CCDC7: variants seen among roughly 807,000 people sequenced by gnomAD.
CCDC7 encodes coiled-coil domain-containing protein 7.
Under a neutral mutation model 196.9 loss-of-function variants are expected in CCDC7, and 183 were observed. That is an observed-to-expected ratio of 0.93 (90% CI 0.82 to 1.05). The LOEUF (loss-of-function observed/expected upper bound fraction) is 1.05, where lower values mean the gene tolerates loss of function less well. Ranked by LOEUF, CCDC7 falls within the 50% of genes least tolerant of loss-of-function variation. The pLI is 0.00. For missense variants in CCDC7, 1,540 were observed against 1,482.2 expected (o/e 1.04, Z -0.64); for synonymous variants, 525 against 484.6 (o/e 1.08, Z -1.10).
intron 25 of CCDC7, among the ~76,000 whole-genome samples, chr10:32,724,308 T>C (rs2082815698): frequency 6.6e-6 from 1 of 152,140 alleles, no homozygotes; most frequent in Admixed American, 6.5e-5. Flanking sequence ...CTCGGGGTTC[T>C]TTTCTTTTCT....
chr10:32,599,892 T>G (rs1285938908), intron 18 of CCDC7, among the ~76,000 whole-genome samples: 1 of 152,220 alleles, frequency 6.6e-6, no homozygotes, highest in Admixed American at 6.5e-5. Flanking sequence ...CCAGAACCAT[T>G]TATTGAATAG....
At chr10:32,663,769 T>C (rs1385619661) in intron 20 of CCDC7, among the ~76,000 whole-genome samples, 5 of 151,920 alleles carry the variant, frequency 3.3e-5, no homozygotes, top group Non-Finnish European at 7.4e-5. Flanking sequence ...TTCATTGCTT[T>C]GCCTATGAAT....
intron 28 of CCDC7, among the ~76,000 whole-genome samples, chr10:32,775,836 A>G (rs1002572722): frequency 6.6e-6 from 1 of 151,774 alleles, no homozygotes; most frequent in Non-Finnish European, 1.5e-5. Flanking sequence ...GCACACGTAT[A>G]TTTATTGCGG....
At chr10:32,660,007 A>T (rs375798269) in intron 20 of CCDC7, among the ~76,000 whole-genome samples, 2 of 152,202 alleles carry the variant, frequency 1.3e-5, no homozygotes, top group African/African-American at 4.8e-5. Flanking sequence ...TCATTCTCCT[A>T]TAAAGACGTG....
At chr10:32,575,879 G>A (rs901403325) in intron 16 of CCDC7, among the ~76,000 whole-genome samples, 2 of 152,122 alleles carry the variant, frequency 1.3e-5, no homozygotes, top group African/African-American at 4.8e-5. Context: ...AGTATTGTCT[G>A]GGAGAAGAAT....
chr10:32,556,339 T>A (rs2054338936), intron 13 of CCDC7, among the ~76,000 whole-genome samples: 1 of 152,208 alleles, frequency 6.6e-6, no homozygotes, highest in Non-Finnish European at 1.5e-5. Context: ...TTTTATCTCA[T>A]GTAAAGTTTG....
chr10:32,760,557 G>A (rs2077287129), intron 28 of CCDC7, among the ~76,000 whole-genome samples: 1 of 152,030 alleles, frequency 6.6e-6, no homozygotes, highest in South Asian at 2.1e-4. Context: ...AGAACACTTG[G>A]ACACAGGAAG....
chr10:32,541,829 C>T (rs1036630138), intron 11 of CCDC7, among the ~76,000 whole-genome samples: 1 of 152,196 alleles, frequency 6.6e-6, no homozygotes, highest in Non-Finnish European at 1.5e-5. Flanking sequence ...TGCACAGGTC[C>T]CTGTGGAGAG....
intron 39 of CCDC7, among the ~76,000 whole-genome samples, chr10:32,849,677 T>C (rs907734013): frequency 8.1e-6 from 1 of 123,956 alleles, no homozygotes; most frequent in African/African-American, 3.2e-5. Flanking sequence ...CACTCCAGCA[T>C]GGCGAAAGAG....
intron 25 of CCDC7, among the ~76,000 whole-genome samples, chr10:32,713,746 T>C (rs1390107094): frequency 6.6e-6 from 1 of 152,220 alleles, no homozygotes; most frequent in Non-Finnish European, 1.5e-5. Flanking sequence ...TAGAAGGCCA[T>C]TGCCTGGATT....
rs138172743 is a variant in CCDC7, at chr10:32,482,645, C to T, written c.796+8622C>T. Among the ~76,000 whole-genome samples the T allele has an allele frequency of 1.8e-4, 28 of 152,226 alleles. No homozygotes were observed. The East Asian group carries it at 4.1e-3, about 22-fold the overall frequency. ...GTATATCTCCAAATGCTATCCCTCCCACCTCCCCCAACCCCACAACAGGCC... is the reference window on the plus strand; with the variant it reads ...GTATATCTCCAAATGCTATCCCTCCTACCTCCCCCAACCCCACAACAGGCC... On this transcript the variant is annotated intron_variant, in intron 8 of 41. Coordinates refer to ENST00000639629, the Ensembl canonical transcript of CCDC7.
rs1355226919 is a variant in CCDC7 at position 32,634,325 on chromosome 10, C to T, written c.1873C>T (p.Gln625Ter). 2 of 1,200,254 alleles carry T rather than the reference C, an allele frequency of 1.7e-6. No individual in the cohort carries two copies. Among genetic ancestry groups the T allele is most frequent in the Non-Finnish European group, 2.1e-6 (2 of 959,432 alleles). 74.4% of individuals were successfully genotyped at this position (1,200,254 alleles called of 1,614,324 possible). A position where few individuals can be genotyped will look rare whatever the true frequency, so the allele number is the denominator to read the frequency against. ...TTCAGTAACAAAAGTCCAAATAGAA[C>T]AAATGAAACAAAGAACTTCTAGTAT... The change falls in exon 19 of 42, where the codon CAA becomes TAA. Residue 625 changes from glutamine (Q) to a stop codon, truncating the protein, a stop_gained. Transcript: ENST00000639629. LOFTEE classifies it high-confidence loss of function.
At chr10:32,878,458 T>A (rs2094670912), downstream of CCDC7, among the ~76,000 whole-genome samples, 1 of 151,976 alleles carries the variant, frequency 6.6e-6, no homozygotes, top group African/African-American at 2.4e-5. Context: ...CAACTGAGCT[T>A]TGGGGTAAAA....
In CCDC7 at chr10:32,563,018, G is replaced by C. The variant is rs190707915; in HGVS notation, c.1135-2540G>C. On this transcript the variant is annotated intron_variant, in intron 13 of 41. Coordinates refer to ENST00000639629, the Ensembl canonical transcript of CCDC7. ...TTCTTATACACCAATGACAGACAGAGAGGCAAATCATGAGTGAACTGCCAT... is the reference window on the plus strand; with the variant it reads ...TTCTTATACACCAATGACAGACAGACAGGCAAATCATGAGTGAACTGCCAT... 7.9e-5 allele frequency among the ~76,000 whole-genome samples: 12 copies of C among 152,152 alleles called. No homozygotes were observed. In the South Asian group the frequency reaches 8.3e-4, roughly 11 times the overall value.
At chr10:32,815,716 AAAAG>A (rs1235250381) in intron 31 of CCDC7, among the ~76,000 whole-genome samples, 1 of 152,242 alleles carries the variant, frequency 6.6e-6, no homozygotes, top group Non-Finnish European at 1.5e-5. Context: ...AAAATGTTGA[AAAAG>A]AAAGAGAAAA....
At position 32,685,947 on chromosome 10, in the gene CCDC7, A is replaced by G. The variant is rs190293118; in HGVS notation, c.2123-23A>G. ...AAGATCCATTTTTCTATTTAGTGGA[A>G]TAAATGTATTTTCTTTATGTAGCTC... is the stretch of plus-strand genomic sequence containing the variant. On this transcript the variant is annotated intron_variant, in intron 21 of 41. Transcript: ENST00000639629. 336 of 1,307,046 alleles carry G rather than the reference A, an allele frequency of 2.6e-4. 3 individuals carry two copies. In the East Asian group the frequency reaches 8.7e-3, roughly 34 times the overall value. 81.0% of individuals were successfully genotyped at this position (1,307,046 alleles called of 1,614,324 possible). A position where few individuals can be genotyped will look rare whatever the true frequency, so the allele number is the denominator to read the frequency against.
chr10:32,833,352 TTA>T (rs1491248132), intron 32 of CCDC7, among the ~76,000 whole-genome samples: 1 of 40,606 alleles, frequency 2.5e-5, no homozygotes, highest in Non-Finnish European at 9.5e-5. Flanking sequence ...TACCCTTTTT[TTA>T]AAAAAAAAAA....
chr10:32,814,441 A>G, exon 31 of CCDC7: 1 of 1,609,356 alleles, frequency 6.2e-7, no homozygotes, highest in Non-Finnish European at 8.5e-7. Context: ...GACACGATCA[A>G]AGAGTCTCCC....
chr10:32,811,724 G>A (rs953961672), intron 30 of CCDC7, among the ~76,000 whole-genome samples: 2 of 151,906 alleles, frequency 1.3e-5, no homozygotes, highest in Non-Finnish European at 2.9e-5. Context: ...CAGTCTACAA[G>A]GCCAGCATTT....
Sources: gnomAD v4.1 joint callset for allele counts (sites outside exome capture counted in the v4.1 genomes callset) on GRCh38, gnomAD v4.1.1 for gene constraint, MANE v1.5 for transcripts, NCBI Gene and HGNC (gene_info 2026-07-23, HGNC 2026-07-21) for gene names.